Variants in SSBP2 observed in about 807,000 individuals in gnomAD.
The protein encoded by SSBP2 is single-stranded DNA-binding protein 2.
In SSBP2, 17 loss-of-function variants were observed where a neutral mutation model predicts 61.8. The ratio of observed to expected loss-of-function variants is 0.28; its 90% CI spans 0.19 to 0.41. The LOEUF is 0.41. SSBP2 is among the 10% of genes least tolerant of loss of function. SSBP2 has a pLI of 1.00. For missense variants in SSBP2, 310 were observed against 458.7 expected (o/e 0.68, Z 2.96); for synonymous variants, 139 against 141.3 (o/e 0.98, Z 0.12).
At chr5:81,563,482 T>C (rs375875762) in intron 4 of SSBP2, among the ~76,000 whole-genome samples, 45 of 152,188 alleles carry the variant, frequency 3.0e-4, no homozygotes, top group African/African-American at 9.4e-4. Flanking sequence ...AAGAAAGACA[T>C]TGATAAATGA....
chr5:81,682,457 A>G (rs932773939), intron 1 of SSBP2, among the ~76,000 whole-genome samples: 1 of 152,196 alleles, frequency 6.6e-6, no homozygotes, highest in Non-Finnish European at 1.5e-5. Context: ...TACATGTAGC[A>G]TTTGATAAAA....
At position 81,688,804 on chromosome 5, in the gene SSBP2, A is replaced by G. The variant is rs141918197; in HGVS notation, c.63-38465T>C. On this transcript the variant is annotated intron_variant, in intron 1 of 16. Coordinates refer to ENST00000320672, the MANE Select transcript of SSBP2 (RefSeq NM_012446.5). Reference sequence around the variant, plus strand: ...AAAGATTACAATGCCTAACTCTTCAATGCTCGAACACTGATGAACAACTGC... The same window carrying G: ...AAAGATTACAATGCCTAACTCTTCAGTGCTCGAACACTGATGAACAACTGC... Among the ~76,000 whole-genome samples, 638 of 152,286 alleles carry G rather than the reference A, an allele frequency of 4.2e-3. 2 individuals carry two copies. Among genetic ancestry groups the G allele is most frequent in the African/African-American group, 0.014 (579 of 41,558 alleles).
chr5:81,579,033 T>C (rs1366418088), intron 4 of SSBP2, among the ~76,000 whole-genome samples: 3 of 151,964 alleles, frequency 2.0e-5, no homozygotes, highest in Non-Finnish European at 2.9e-5. Context: ...CATTTTTGAG[T>C]AGAGCTTGAT....
chr5:81,458,859 G>A (rs150605734), intron 10 of SSBP2, among the ~76,000 whole-genome samples: 1 of 152,134 alleles, frequency 6.6e-6, no homozygotes, highest in African/African-American at 2.4e-5. Context: ...TTTTCCCCTT[G>A]TTCTTAGAGT....
At chr5:81,611,527 CA>C in intron 4 of SSBP2, among the ~76,000 whole-genome samples, 1 of 152,062 alleles carries the variant, frequency 6.6e-6, no homozygotes, top group Admixed American at 6.5e-5. Context: ...TTTACATCTC[CA>C]ATTGTAAGTT....
chr5:81,510,150 G>A (rs1768488381), intron 5 of SSBP2, among the ~76,000 whole-genome samples: 1 of 152,084 alleles, frequency 6.6e-6, no homozygotes, highest in African/African-American at 2.4e-5. Flanking sequence ...AAAATGATAT[G>A]GCCCTGCAAT....
chr5:81,574,503 A>C (rs1036740595), intron 4 of SSBP2, among the ~76,000 whole-genome samples: 2 of 152,158 alleles, frequency 1.3e-5, no homozygotes, highest in Non-Finnish European at 2.9e-5. Context: ...TAGAGGCAGA[A>C]GTATAATATT....
At chr5:81,428,517 T>C in intron 16 of SSBP2, 68 bp downstream of exon 16, 1 of 1,229,932 alleles carries the variant, frequency 8.1e-7, no homozygotes, top group Non-Finnish European at 1.2e-6. Context: ...AGTGGCTTTA[T>C]GCATTTATTC....
chr5:81,455,791 T>C (rs958993373), intron 10 of SSBP2, among the ~76,000 whole-genome samples: 2 of 152,136 alleles, frequency 1.3e-5, no homozygotes, highest in South Asian at 2.1e-4. Context: ...AACTTATTAT[T>C]TGACAGAGAA....
intron 9 of SSBP2, among the ~76,000 whole-genome samples, chr5:81,464,433 C>T (rs539304540): frequency 6.6e-6 from 1 of 152,116 alleles, no homozygotes; most frequent in South Asian, 2.1e-4. Context: ...GTTACAGAAA[C>T]ATAGAAAGTA....
intron 5 of SSBP2, among the ~76,000 whole-genome samples, chr5:81,511,051 T>C (rs528623712): frequency 2.5e-4 from 38 of 152,238 alleles, no homozygotes; most frequent in African/African-American, 7.7e-4. Flanking sequence ...TTGGTCTCTC[T>C]CTCTCTCCTT....
At chr5:81,726,129 G>A (rs1360405183) in intron 1 of SSBP2, among the ~76,000 whole-genome samples, 2 of 152,138 alleles carry the variant, frequency 1.3e-5, no homozygotes, top group African/African-American at 4.8e-5. Flanking sequence ...GGGGATAAAT[G>A]AGAACTATTT....
chr5:81,519,989 CT>C lies in SSBP2; in HGVS notation c.283-6273del, dbSNP rs889340422. 1.5e-3 allele frequency among the ~76,000 whole-genome samples: 222 copies of C among 143,284 alleles called. 1 individual carries two copies. The highest frequency in any genetic ancestry group is 7.8e-3 in the East Asian group (39 of 5,002). 94.0% of individuals were successfully genotyped at this position (143,284 alleles called of 152,430 possible). On this transcript the variant is annotated intron_variant, in intron 4 of 16. Transcript: ENST00000320672. ...TAAATTAGTAGCTATTTTCCCCCCT[CT>C]TTTTTTTTTTTTGAGATGGAGTCTC...
intron 7 of SSBP2, among the ~76,000 whole-genome samples, 172 bp downstream of exon 7, chr5:81,474,324 C>T (rs1765447294): frequency 6.6e-6 from 1 of 152,186 alleles, no homozygotes; most frequent in South Asian, 2.1e-4. Flanking sequence ...CCCTCACTAT[C>T]ATGCATAATT....
chr5:81,520,898 T>C (rs1461093140), intron 4 of SSBP2, among the ~76,000 whole-genome samples: 1 of 152,128 alleles, frequency 6.6e-6, no homozygotes, highest in Non-Finnish European at 1.5e-5. Flanking sequence ...GTGGATTCTA[T>C]CCTTTATTAA....
intron 3 of SSBP2, 58 bp from the exon 4 acceptor site, chr5:81,615,615 A>C: frequency 8.9e-7 from 1 of 1,129,722 alleles, no homozygotes; most frequent in Non-Finnish European, 1.3e-6. Flanking sequence ...ATGAGAAATC[A>C]CAATTCCAAA....
intron 4 of SSBP2, among the ~76,000 whole-genome samples, chr5:81,547,929 T>C (rs1366267572): frequency 2.0e-5 from 3 of 152,162 alleles, no homozygotes; most frequent in East Asian, 3.8e-4. Context: ...GATGAAAAGA[T>C]AGGACACAAG....
intron 12 of SSBP2, among the ~76,000 whole-genome samples, chr5:81,445,034 A>T (rs891078519): frequency 6.7e-6 from 1 of 150,228 alleles, no homozygotes; most frequent in Non-Finnish European, 1.5e-5. Flanking sequence ...GCAGCAGGAG[A>T]ATTGCTTGAA....
chr5:81,744,856 T>G (rs1217876555), intron 1 of SSBP2, among the ~76,000 whole-genome samples: 1 of 152,054 alleles, frequency 6.6e-6, no homozygotes, highest in African/African-American at 2.4e-5. Flanking sequence ...AGGAAAAAGA[T>G]GAGAGTAGTT....
Sources: gnomAD v4.1 joint callset for allele counts (sites outside exome capture counted in the v4.1 genomes callset) on GRCh38, gnomAD v4.1.1 for gene constraint, MANE v1.5 for transcripts, NCBI Gene and HGNC (gene_info 2026-07-23, HGNC 2026-07-21) for gene names.